Variants in KIF17 observed in about 807,000 individuals in gnomAD.
The protein encoded by KIF17 is kinesin family member 17.
KIF17 carries 80 observed loss-of-function variants against 96.8 expected under a neutral mutation model. That is an observed-to-expected ratio of 0.83 (90% confidence interval 0.69 to 1.00). The LOEUF (loss-of-function observed/expected upper bound fraction) is 1.00. Ranked by LOEUF, KIF17 falls within the 50% of genes least tolerant of loss-of-function variation. KIF17 has a pLI of 0.00. For missense variants in KIF17, 1,280 were observed against 1,372.9 expected, an observed-to-expected ratio of 0.93 and a Z score of 1.07; for synonymous variants, 567 against 587.5, an observed-to-expected ratio of 0.97 and a Z score of 0.51.
chr1:20,670,133 C>T (rs1022172558), intron 13 of KIF17, among the ~76,000 whole-genome samples: 17 of 152,080 alleles, frequency 1.1e-4, no homozygotes, highest in African/African-American at 4.1e-4. Context: ...TGCTTGTCCT[C>T]TGAGTTTGAG....
chr1:20,703,522 G>GGATA (rs1346102044), intron 5 of KIF17, among the ~76,000 whole-genome samples: 3 of 151,544 alleles, frequency 2.0e-5, no homozygotes, highest in African/African-American at 4.9e-5. Context: ...ATGGATGGAT[G>GGATA]GATGGATAGA....
intron 12 of KIF17, 152 bp downstream of exon 12, chr1:20,671,786 C>T: frequency 4.2e-6 from 4 of 944,822 alleles, no homozygotes; most frequent in Non-Finnish European, 3.2e-6. Context: ...CAGAACACAC[C>T]ACTTTCTCAG....
intron 8 of KIF17, 133 bp from the exon 9 acceptor site, chr1:20,686,259 C>A (rs1468901133): frequency 1.3e-6 from 1 of 744,096 alleles, no homozygotes; most frequent in African/African-American, 1.7e-5. Context: ...GCCTGTCACT[C>A]CCGAGAGAAG....
At chr1:20,686,014 T>A (rs2053930900) in intron 9 of KIF17, 32 bp downstream of exon 9, 1 of 1,510,248 alleles carries the variant, frequency 6.6e-7, no homozygotes, top group African/African-American at 1.4e-5. Context: ...GAGAACCCCG[T>A]CCCCCACATG....
rs2054300916 is a variant in KIF17 at position 20,704,353 on chromosome 1, CT to C, written c.1123+93del. 4 of 1,058,168 alleles carry C rather than the reference CT, an allele frequency of 3.8e-6. No homozygotes were observed. The highest frequency in any genetic ancestry group is 5.7e-6 in the Non-Finnish European group (4 of 705,892). 65.5% of individuals were successfully genotyped at this position (1,058,168 alleles called of 1,614,324 possible). A position where few individuals can be genotyped will look rare whatever the true frequency, so the allele number is the denominator to read the frequency against. ...GGTGGGAGGATGCTGCTCCCACTGT[CT>C]TTTAGGTGGGAAGTTGGAGGCGAGA... On this transcript the variant is annotated intron_variant, in intron 5 of 14. Transcript: ENST00000400463. The surrounding 1 kb of genome is among the most constrained non-coding windows in gnomAD (Gnocchi z 6.8).
At chr1:20,707,973 G>A (rs988985800) in intron 4 of KIF17, among the ~76,000 whole-genome samples, 1 of 151,754 alleles carries the variant, frequency 6.6e-6, no homozygotes, top group South Asian at 2.1e-4. Flanking sequence ...AGAACTATGA[G>A]TAACTGTTCC....
At chr1:20,712,701 T>C (rs1380761928) in intron 3 of KIF17, among the ~76,000 whole-genome samples, 1 of 89,656 alleles carries the variant, frequency 1.1e-5, no homozygotes, top group Non-Finnish European at 2.0e-5. Flanking sequence ...ATATAGATAA[T>C]ATTATCTATA....
intron 11 of KIF17, 98 bp downstream of exon 11, chr1:20,682,555 G>C: frequency 1.0e-6 from 1 of 973,882 alleles, no homozygotes; most frequent in Non-Finnish European, 1.7e-6. Context: ...AAAGAGTAGA[G>C]GGCTGCCTGG....
At chr1:20,696,216 C>G (rs960063665) in intron 6 of KIF17, among the ~76,000 whole-genome samples, 1 of 152,082 alleles carries the variant, frequency 6.6e-6, no homozygotes, top group African/African-American at 2.4e-5. Context: ...TGTCCTCTTC[C>G]CTACACAGAG....
In KIF17 at chr1:20,684,856, C is replaced by G; in HGVS notation, c.2184G>C (p.Leu728=). The G allele has an allele frequency of 1.3e-6, 2 of 1,596,784 alleles. No individual in the cohort carries two copies. The highest frequency in any genetic ancestry group is 8.5e-7 in the Non-Finnish European group (1 of 1,171,994). ...RESVGMEVAV[L]TDDPLPVVDQ... The stretch of plus-strand genomic sequence containing the variant: ...CCACAACGGGCAGCGGGTCATCAGT[C>G]AGCACTGCCACCTCCATGCCCACGC... The change falls in exon 10 of 15, where the codon CTG becomes CTC. Residue 728 remains leucine (L), a synonymous_variant. Coordinates refer to ENST00000400463, the MANE Select transcript of KIF17 (RefSeq NM_001122819.3).
chr1:20,690,345 TGGGAG>T lies in KIF17; in HGVS notation c.1234-15_1234-11del, dbSNP rs2154536292. The T allele has an allele frequency of 2.3e-4, 56 of 242,210 alleles. No homozygotes were observed. Among genetic ancestry groups the T allele is most frequent in the Middle Eastern group, 6.8e-4 (1 of 1,464 alleles). The allele number at this position is 242,210 out of a possible 1,614,324, so 15.0% of individuals were successfully genotyped here. ...GGCGCTCTTCATACTCCTGGGGGGG[TGGGAG>T]GGACCAGAGGGCAGGCAGCATTTTA... On this transcript the variant is annotated splice_polypyrimidine_tract_variant and intron_variant, in intron 6 of 14. Transcript: ENST00000400463.
At chr1:20,715,278 G>T (rs942626342) in intron 2 of KIF17, among the ~76,000 whole-genome samples, 1 of 152,210 alleles carries the variant, frequency 6.6e-6, no homozygotes, top group Non-Finnish European at 1.5e-5. Flanking sequence ...TCAACTAAGG[G>T]TTAGAAGGCA....
Position 20,690,345 on chromosome 1 carries a change from T to TGGGGGGGG in KIF17, c.1234-11_1234-10insCCCCCCCC. The TGGGGGGGG allele has an allele frequency of 4.1e-6, 1 of 242,660 alleles. No individual in the cohort carries two copies. Among genetic ancestry groups the TGGGGGGGG allele is most frequent in the South Asian group, 3.1e-5 (1 of 32,180 alleles). 15.0% of individuals were successfully genotyped at this position (242,660 alleles called of 1,614,324 possible). A position where few individuals can be genotyped will look rare whatever the true frequency, so the allele number is the denominator to read the frequency against. Reference sequence around the variant, plus strand: ...GGCGCTCTTCATACTCCTGGGGGGGTGGGAGGGACCAGAGGGCAGGCAGCA... The same window carrying TGGGGGGGG: ...GGCGCTCTTCATACTCCTGGGGGGGTGGGGGGGGGGGAGGGACCAGAGGGCAGGCAGCA... On this transcript the variant is annotated splice_polypyrimidine_tract_variant and intron_variant, in intron 6 of 14. Coordinates refer to ENST00000400463, the MANE Select transcript of KIF17 (RefSeq NM_001122819.3).
In KIF17 at chr1:20,672,671, C is replaced by T. The variant is rs186123139; in HGVS notation, c.2464-475G>A. Among the ~76,000 whole-genome samples, 716 of 152,336 alleles carry T rather than the reference C, an allele frequency of 4.7e-3. 20 individuals carry two copies. Among genetic ancestry groups the T allele is most frequent in the Admixed American group, 0.04 (615 of 15,290 alleles). ...ACTCTCCGACTTGACAATCCTCACTCTCCCACTGCCACAGCCCTGTGTGAC... is the reference window on the plus strand; with the variant it reads ...ACTCTCCGACTTGACAATCCTCACTTTCCCACTGCCACAGCCCTGTGTGAC... On this transcript the variant is annotated intron_variant, in intron 11 of 14. Transcript: ENST00000400463. This position sits in a 1 kb window ranked among gnomAD's most constrained non-coding sequence, Gnocchi z 4.3.
intron 6 of KIF17, among the ~76,000 whole-genome samples, chr1:20,691,927 C>T (rs2054046391): frequency 6.6e-6 from 1 of 152,174 alleles, no homozygotes; most frequent in African/African-American, 2.4e-5. Context: ...TTTATTCACC[C>T]ACTTCTCTCC....
chr1:20,715,968 C>T (rs976979818), intron 1 of KIF17, among the ~76,000 whole-genome samples: 8 of 152,140 alleles, frequency 5.3e-5, no homozygotes, highest in Admixed American at 2.6e-4. Context: ...CACCTTGGGC[C>T]AGGCGGGGTG....
rs749457035 is a variant in KIF17 at position 20,687,090 on chromosome 1, G to A, written c.1938+298C>T. 1.6e-4 allele frequency among the ~76,000 whole-genome samples: 25 copies of A among 152,288 alleles called. No individual in the cohort carries two copies. The highest frequency in any genetic ancestry group is 4.1e-4 in the South Asian group (2 of 4,822). On this transcript the variant is annotated intron_variant, in intron 8 of 14. Coordinates refer to ENST00000400463, the MANE Select transcript of KIF17 (RefSeq NM_001122819.3). The surrounding 1 kb of genome is among the most constrained non-coding windows in gnomAD (Gnocchi z 4.4). Reference sequence around the variant, plus strand: ...CTGTAACCATGGCAACTGGGCAAACGCCCTGTACAGCTGTCCCTCCATCTG... The same window carrying A: ...CTGTAACCATGGCAACTGGGCAAACACCCTGTACAGCTGTCCCTCCATCTG...
downstream of KIF17, among the ~76,000 whole-genome samples, chr1:20,663,076 T>A (rs1441812230): frequency 1.3e-5 from 2 of 152,050 alleles, no homozygotes; most frequent in African/African-American, 4.8e-5. Context: ...ACAAAAAATT[T>A]AGCCGGGCGT....
downstream of KIF17, among the ~76,000 whole-genome samples, chr1:20,662,819 G>GC (rs2053459679): frequency 6.6e-6 from 1 of 152,154 alleles, no homozygotes; most frequent in East Asian, 1.9e-4. Flanking sequence ...AGCGCTCTCC[G>GC]CCAGGAGCGC....
Sources: gnomAD v4.1 joint callset for allele counts (sites outside exome capture counted in the v4.1 genomes callset) on GRCh38, gnomAD v4.1.1 for gene constraint, Gnocchi (gnomAD v3.1) non-coding constraint, MANE v1.5 for transcripts, NCBI Gene and HGNC (gene_info 2026-07-23, HGNC 2026-07-21) for gene names.